Variants in BAZ2B observed in about 807,000 individuals in gnomAD.
BAZ2B encodes bromodomain adjacent to zinc finger domain protein 2B.
In BAZ2B, 91 loss-of-function variants were observed where a neutral mutation model predicts 246.0. The observed-to-expected ratio is 0.37, with a 90% CI of 0.31 to 0.44. BAZ2B has a LOEUF of 0.44. Ranked by LOEUF, BAZ2B falls within the 20% of genes least tolerant of loss-of-function variation. BAZ2B has a pLI of 1.00. For synonymous variants in BAZ2B, 855 were observed against 860.0 expected (o/e 0.99, Z 0.10); for missense variants, 2,332 against 2,533.7 (o/e 0.92, Z 1.71).
At chr2:159,359,832 T>G (rs1291545306) in intron 27 of BAZ2B, among the ~76,000 whole-genome samples, 1 of 152,158 alleles carries the variant, frequency 6.6e-6, no homozygotes, top group Non-Finnish European at 1.5e-5. Context: ...ATCCATCACA[T>G]AAACAGGACC....
In BAZ2B at chr2:159,375,225, CCACA is replaced by C. The variant is rs141665055; in HGVS notation, c.4006-476_4006-473del. ...AAGAAACAAAACAAAACATAGCAAA[CCACA>C]CACACACAATAAACTCCCCCAAAGC... is the stretch of plus-strand genomic sequence containing the variant. On this transcript the variant is annotated intron_variant, in intron 25 of 36. Transcript: ENST00000392783. Among the ~76,000 whole-genome samples, 213 of 151,902 alleles carry C rather than the reference CCACA, an allele frequency of 1.4e-3. 1 individual carries two copies. Among genetic ancestry groups the C allele is most frequent in the African/African-American group, 4.6e-3 (192 of 41,426 alleles).
At chr2:159,357,248 T>C (rs1249372178) in intron 27 of BAZ2B, among the ~76,000 whole-genome samples, 1 of 152,000 alleles carries the variant, frequency 6.6e-6, no homozygotes, top group Admixed American at 6.6e-5. Context: ...AGAGGAATGC[T>C]AACTAGAATA....
At chr2:159,659,913 A>G in the BAZ2B span, among the ~76,000 whole-genome samples, 1 of 152,222 alleles carries the variant, frequency 6.6e-6, no homozygotes, top group East Asian at 1.9e-4. Context: ...TATTCATTAA[A>G]GTATCATAAT....
At chr2:159,595,734 A>G (rs1454671534) in intron 1 of BAZ2B, among the ~76,000 whole-genome samples, 1 of 152,212 alleles carries the variant, frequency 6.6e-6, no homozygotes, top group Non-Finnish European at 1.5e-5. Flanking sequence ...TCTGAACTAT[A>G]TCTAACAAGC....
intron 2 of BAZ2B, among the ~76,000 whole-genome samples, chr2:159,522,723 G>A (rs572055545): frequency 2.0e-5 from 3 of 152,068 alleles, no homozygotes; most frequent in Non-Finnish European, 2.9e-5. Context: ...ACCACAGAAC[G>A]ATCAATCAAT....
chr2:159,328,637 T>G (rs2064142980), intron 34 of BAZ2B, among the ~76,000 whole-genome samples: 1 of 152,208 alleles, frequency 6.6e-6, no homozygotes, highest in Non-Finnish European at 1.5e-5. Context: ...CTCCCCTGTT[T>G]GCCACAGTGC....
At position 159,616,395 on chromosome 2, in the gene BAZ2B, TG is replaced by T. The variant is rs1418788603; in HGVS notation, c.-200del. On this transcript the variant is annotated 5_prime_UTR_variant, in exon 1 of 37. Coordinates refer to ENST00000392783, the MANE Select transcript of BAZ2B (RefSeq NM_013450.4). ...AGAGAGTTGTAGTGGAGGTGAGATTTGTGATCGGGAAAGCCTTCGACTCCCT... is the reference window on the plus strand; with the variant it reads ...AGAGAGTTGTAGTGGAGGTGAGATTTTGATCGGGAAAGCCTTCGACTCCCT... The T allele has an allele frequency of 9.9e-5, 15 of 152,228 alleles. No homozygotes were observed. The highest frequency in any genetic ancestry group is 2.1e-4 in the Non-Finnish European group (14 of 68,056). 9.4% of individuals were successfully genotyped at this position (152,228 alleles called of 1,614,324 possible).
the BAZ2B span, chr2:159,710,887 T>C: frequency 2.0e-5 from 3 of 152,228 alleles, no homozygotes; most frequent in Non-Finnish European, 4.4e-5. Flanking sequence ...AGAAGATGTC[T>C]AAGAGACCTA....
At chr2:159,508,912 AG>A (rs980293222) in intron 2 of BAZ2B, among the ~76,000 whole-genome samples, 2 of 152,158 alleles carry the variant, frequency 1.3e-5, no homozygotes, top group African/African-American at 4.8e-5. Context: ...ACTTGTAATT[AG>A]GTCAAAGTTT....
chr2:159,402,346 A>C lies in BAZ2B; in HGVS notation c.2833-1682T>G, dbSNP rs146914258. ...ATGCCTATAATCCCAGCTACCTGGG[A>C]GGCTGAGGCAGGAGAATTGCTGGAA... is the stretch of plus-strand genomic sequence containing the variant. On this transcript the variant is annotated intron_variant, in intron 16 of 36. Transcript: ENST00000392783. Among the ~76,000 whole-genome samples the C allele has an allele frequency of 9.2e-3, 1,398 of 152,264 alleles. 10 individuals carry two copies. The highest frequency in any genetic ancestry group is 0.012 in the Non-Finnish European group (818 of 68,006).
intron 27 of BAZ2B, among the ~76,000 whole-genome samples, chr2:159,371,536 C>T (rs1304058615): frequency 6.6e-6 from 1 of 152,210 alleles, no homozygotes; most frequent in African/African-American, 2.4e-5. Flanking sequence ...GCAATTCAAC[C>T]TTCAAGATCC....
At chr2:159,390,475 T>G (rs1313576336) in intron 20 of BAZ2B, among the ~76,000 whole-genome samples, 1 of 152,136 alleles carries the variant, frequency 6.6e-6, no homozygotes, top group East Asian at 1.9e-4. Flanking sequence ...ATTTCTATTA[T>G]GTTTCATAGC....
chr2:159,352,527 C>G (rs2058674671), intron 27 of BAZ2B, among the ~76,000 whole-genome samples: 1 of 151,278 alleles, frequency 6.6e-6, no homozygotes, highest in Non-Finnish European at 1.5e-5. Flanking sequence ...ACTCTGTCAC[C>G]CAGGCTGGAG....
intron 3 of BAZ2B, among the ~76,000 whole-genome samples, chr2:159,455,147 C>T (rs146218416): frequency 1.2e-4 from 18 of 152,186 alleles, no homozygotes; most frequent in African/African-American, 4.1e-4. Flanking sequence ...TGACTGTGCA[C>T]TGCAATTTAA....
intron 1 of BAZ2B, among the ~76,000 whole-genome samples, chr2:159,573,887 C>A (rs1045390944): frequency 6.6e-6 from 1 of 152,064 alleles, no homozygotes; most frequent in African/African-American, 2.4e-5. Flanking sequence ...ATCGCTTGAG[C>A]CCAAGAGTTC....
At chr2:159,534,305 T>C (rs913896272) in intron 2 of BAZ2B, among the ~76,000 whole-genome samples, 5 of 152,186 alleles carry the variant, frequency 3.3e-5, no homozygotes, top group South Asian at 2.1e-4. Context: ...TACGTGAACC[T>C]AGATGGTAAA....
chr2:159,407,297 C>A (rs1408199961), intron 14 of BAZ2B, among the ~76,000 whole-genome samples: 1 of 151,682 alleles, frequency 6.6e-6, no homozygotes, highest in Non-Finnish European at 1.5e-5. Context: ...CATATGAAGC[C>A]CCCACCCCTA....
chr2:159,517,433 T>G (rs942708144), intron 2 of BAZ2B, among the ~76,000 whole-genome samples: 1 of 152,056 alleles, frequency 6.6e-6, no homozygotes, highest in African/African-American at 2.4e-5. Flanking sequence ...AATGATAAAC[T>G]AATTTACTAC....
the BAZ2B span, among the ~76,000 whole-genome samples, chr2:159,678,991 G>A: frequency 6.6e-6 from 1 of 152,144 alleles, no homozygotes; most frequent in Non-Finnish European, 1.5e-5. Flanking sequence ...ATGTTGAATG[G>A]GCCGGGCGCG....
Sources: allele counts gnomAD v4.1 joint callset (sites outside exome capture counted in the v4.1 genomes callset), GRCh38; gene constraint gnomAD v4.1.1; transcripts MANE v1.5; gene names NCBI Gene and HGNC (gene_info 2026-07-23, HGNC 2026-07-21).